BCAS3: variants seen among roughly 807,000 people sequenced by gnomAD.
BCAS3 encodes BCAS4/BCAS3 fusion.
BCAS3 carries 53 observed loss-of-function variants against 116.1 expected under a neutral mutation model. The observed-to-expected ratio is 0.46, with a 90% CI of 0.37 to 0.57. BCAS3 has a LOEUF of 0.57. BCAS3 is among the 20% of genes least tolerant of loss of function. The probability of loss-of-function intolerance (pLI) is 0.00; values close to 1 mark genes in which losing one functional copy is unlikely to be tolerated. For missense variants in BCAS3, 917 were observed against 1,165.4 expected, an observed-to-expected ratio of 0.79 and a Z score of 3.10; for synonymous variants, 391 against 408.2, an observed-to-expected ratio of 0.96 and a Z score of 0.51.
chr17:60,770,711 A>G (rs1256960789), intron 6 of BCAS3, among the ~76,000 whole-genome samples: 1 of 151,066 alleles, frequency 6.6e-6, no homozygotes, highest in Non-Finnish European at 1.5e-5. Flanking sequence ...ACCTGGCCCC[A>G]GTATTCTCTC....
intron 22 of BCAS3, among the ~76,000 whole-genome samples, chr17:61,165,868 C>G (rs2078461032): frequency 6.6e-6 from 1 of 152,088 alleles, no homozygotes; most frequent in Non-Finnish European, 1.5e-5. Flanking sequence ...GCAGGAATTA[C>G]TATTTTATAT....
At chr17:60,710,886 T>C (rs903531187) in intron 5 of BCAS3, among the ~76,000 whole-genome samples, 1 of 151,108 alleles carries the variant, frequency 6.6e-6, no homozygotes, top group Non-Finnish European at 1.5e-5. Context: ...CACTCTATCC[T>C]CCACCTCCTG....
rs903866197 is a variant in BCAS3, at chr17:61,343,004, G to A, written c.2426-25323G>A. Among the ~76,000 whole-genome samples the A allele has an allele frequency of 6.6e-6, 1 of 151,684 alleles. No homozygotes were observed. The highest frequency in any genetic ancestry group is 1.5e-5 in the Non-Finnish European group (1 of 67,844). On this transcript the variant is annotated intron_variant, in intron 22 of 23. Transcript: ENST00000407086. This position sits in a 1 kb window ranked among gnomAD's most constrained non-coding sequence, Gnocchi z 5.5. ...TAATCTCAGATGATCCACCCACCTCGGCCTCCCAAAGTGCTGGGATTACAG... is the reference window on the plus strand; with the variant it reads ...TAATCTCAGATGATCCACCCACCTCAGCCTCCCAAAGTGCTGGGATTACAG...
intron 7 of BCAS3, among the ~76,000 whole-genome samples, chr17:60,841,543 C>T (rs1229081105): frequency 8.1e-6 from 1 of 123,066 alleles, no homozygotes; most frequent in African/African-American, 4.9e-5. Context: ...CCACACCTGG[C>T]TAATTTTTTT....
intron 7 of BCAS3, among the ~76,000 whole-genome samples, chr17:60,832,230 A>G (rs1487111308): frequency 6.6e-6 from 1 of 152,232 alleles, no homozygotes; most frequent in East Asian, 1.9e-4. Flanking sequence ...AGTAGAAACC[A>G]GTGAATAGAG....
Position 61,087,169 on chromosome 17 carries a change from T to C in BCAS3, c.2425+2605T>C, listed in dbSNP as rs968220521. The C allele has an allele frequency of 7.1e-6, 7 of 985,428 alleles. No homozygotes were observed. In the African/African-American group the frequency reaches 1.2e-4, roughly 17 times the overall value. The allele number at this position is 985,428 out of a possible 1,614,324, so 61.0% of individuals were successfully genotyped here. A position where few individuals can be genotyped will look rare whatever the true frequency, so the allele number is the denominator to read the frequency against. On this transcript the variant is annotated intron_variant, in intron 22 of 23. Coordinates refer to ENST00000407086, the MANE Select transcript of BCAS3 (RefSeq NM_017679.5). The surrounding 1 kb of genome is among the most constrained non-coding windows in gnomAD (Gnocchi z 4.6). ...GAAGTGCACCTCTGATTATGATCCA[T>C]GCATTGGAGTCAGCTGCACATCAGG...
intron 6 of BCAS3, among the ~76,000 whole-genome samples, chr17:60,801,881 T>C (rs1598812509): frequency 6.6e-6 from 1 of 152,318 alleles, no homozygotes; most frequent in East Asian, 1.9e-4. Context: ...TTTTGGAACT[T>C]CTGTCATCTA....
intron 7 of BCAS3, among the ~76,000 whole-genome samples, chr17:60,827,253 T>TA (rs2050511897): frequency 6.6e-6 from 1 of 152,252 alleles, no homozygotes; most frequent in Non-Finnish European, 1.5e-5. Flanking sequence ...TACATCCTGA[T>TA]ACATGTTAGG....
At chr17:60,858,779 C>A (rs770592679) in intron 7 of BCAS3, among the ~76,000 whole-genome samples, 4 of 152,034 alleles carry the variant, frequency 2.6e-5, no homozygotes, top group Non-Finnish European at 5.9e-5. Context: ...AAATTTTAGT[C>A]ATTCTATTGG....
rs1021552310 is a variant in BCAS3, at chr17:61,106,240, C to A, written c.2425+21676C>A. The stretch of plus-strand genomic sequence containing the variant: ...TAGGAAAAAACATGGTATATACAGT[C>A]ATGTATGGCATAGTGACCTTTCAGT... On this transcript the variant is annotated intron_variant, in intron 22 of 23. Transcript: ENST00000407086. The surrounding 1 kb of genome is among the most constrained non-coding windows in gnomAD (Gnocchi z 4.2). Among the ~76,000 whole-genome samples, 1 of 152,198 alleles carries A rather than the reference C, an allele frequency of 6.6e-6. No individual in the cohort carries two copies. Among genetic ancestry groups the A allele is most frequent in the Admixed American group, 6.5e-5 (1 of 15,286 alleles).
chr17:60,864,101 G>A (rs2054388389), intron 7 of BCAS3, among the ~76,000 whole-genome samples: 1 of 152,218 alleles, frequency 6.6e-6, no homozygotes, highest in African/African-American at 2.4e-5. Context: ...TTAATGAAGG[G>A]TTTGGGCATT....
At chr17:60,999,277 C>T (rs892322978) in intron 15 of BCAS3, among the ~76,000 whole-genome samples, 11 of 151,982 alleles carry the variant, frequency 7.2e-5, no homozygotes, top group Non-Finnish European at 1.2e-4. Flanking sequence ...CGGTGGCTCA[C>T]GCCTGTAATC....
intron 9 of BCAS3, among the ~76,000 whole-genome samples, chr17:60,888,306 A>G (rs892276010): frequency 6.6e-6 from 1 of 152,208 alleles, no homozygotes; most frequent in African/African-American, 2.4e-5. Context: ...ATCAGAATTT[A>G]TTGAGAGTTA....
At chr17:61,045,136 G>A (rs1223834970) in intron 19 of BCAS3, among the ~76,000 whole-genome samples, 1 of 151,946 alleles carries the variant, frequency 6.6e-6, no homozygotes, top group African/African-American at 2.4e-5. Flanking sequence ...TCTTACCTCA[G>A]AAGAATATAT....
chr17:60,829,370 T>G, intron 7 of BCAS3, among the ~76,000 whole-genome samples: 1 of 151,886 alleles, frequency 6.6e-6, no homozygotes, highest in East Asian at 1.9e-4. Flanking sequence ...GGTTTGCGCC[T>G]GTAATCCCAG....
rs1371104474 is a variant in BCAS3, at chr17:61,198,462, T to C, written c.2425+113898T>C. Among the ~76,000 whole-genome samples, 1 of 152,190 alleles carries C rather than the reference T, an allele frequency of 6.6e-6. No homozygotes were observed. Among genetic ancestry groups the C allele is most frequent in the Non-Finnish European group, 1.5e-5 (1 of 68,040 alleles). On this transcript the variant is annotated intron_variant, in intron 22 of 23. Coordinates refer to ENST00000407086, the MANE Select transcript of BCAS3 (RefSeq NM_017679.5). This position sits in a 1 kb window ranked among gnomAD's most constrained non-coding sequence, Gnocchi z 5.0. ...GCCCGATATGTTGATTTTCAAATAA[T>C]TCATTAATTTAAGTATTTTCTTCTA...
intron 6 of BCAS3, among the ~76,000 whole-genome samples, chr17:60,804,259 G>C (rs1361324959): frequency 6.6e-6 from 1 of 150,650 alleles, no homozygotes; most frequent in Non-Finnish European, 1.5e-5. Context: ...GAGGCGGGTG[G>C]ATCATAAGGT....
At chr17:61,086,732 T>C (rs993591370) in intron 22 of BCAS3, 2 of 985,306 alleles carry the variant, frequency 2.0e-6, no homozygotes, top group African/African-American at 3.5e-5. Context: ...ATGGTACCTT[T>C]CTGAAAGACA....
rs1168938072 is a variant in BCAS3 at position 60,923,943 on chromosome 17, C to T, written c.994-464C>T. The stretch of plus-strand genomic sequence containing the variant: ...GTTATTGGATGATTTCTCTATACAC[C>T]TGTTTATTTATGTTTAACAAATTAT... On this transcript the variant is annotated intron_variant, in intron 12 of 23. Coordinates refer to ENST00000407086, the MANE Select transcript of BCAS3 (RefSeq NM_017679.5). 2.6e-5 allele frequency among the ~76,000 whole-genome samples: 4 copies of T among 152,148 alleles called. No individual in the cohort carries two copies. In the East Asian group the frequency reaches 7.7e-4, roughly 29 times the overall value.
Sources: gnomAD v4.1 joint callset for allele counts (sites outside exome capture counted in the v4.1 genomes callset) on GRCh38, gnomAD v4.1.1 for gene constraint, Gnocchi (gnomAD v3.1) non-coding constraint, MANE v1.5 for transcripts, NCBI Gene and HGNC (gene_info 2026-07-23, HGNC 2026-07-21) for gene names.